Variants in RCOR1 observed in about 807,000 individuals in gnomAD.
The protein encoded by RCOR1 is REST corepressor.
A neutral mutation model predicts 64.0 loss-of-function variants in RCOR1; 12 were observed. The observed-to-expected ratio is 0.19, with a 90% CI of 0.12 to 0.30. RCOR1 has a LOEUF of 0.30. Ranked by LOEUF, RCOR1 falls within the 10% of genes least tolerant of loss-of-function variation. RCOR1 has a pLI of 1.00. For missense variants in RCOR1, 502 were observed against 621.2 expected, an observed-to-expected ratio of 0.81 and a Z score of 2.04; for synonymous variants, 279 against 227.2, an observed-to-expected ratio of 1.23 and a Z score of -2.05.
At chr14:102,598,319 G>GC (rs2139876488) in intron 2 of RCOR1, among the ~76,000 whole-genome samples, 1 of 152,286 alleles carries the variant, frequency 6.6e-6, no homozygotes, top group Non-Finnish European at 1.5e-5. Flanking sequence ...AGGTTTGAAA[G>GC]CAAATGGTTG....
intron 2 of RCOR1, among the ~76,000 whole-genome samples, chr14:102,630,957 C>G (rs1030690359): frequency 6.6e-6 from 1 of 151,940 alleles, no homozygotes; most frequent in Non-Finnish European, 1.5e-5. Context: ...TGTAGTCTCA[C>G]GACCTCTCCT....
intron 3 of RCOR1, among the ~76,000 whole-genome samples, chr14:102,693,288 C>T (rs1434299323): frequency 2.0e-5 from 3 of 152,120 alleles, no homozygotes; most frequent in South Asian, 2.1e-4. Context: ...GTCAGACATG[C>T]GGGTTCCATA....
intron 2 of RCOR1, among the ~76,000 whole-genome samples, chr14:102,654,640 G>T (rs1332288306): frequency 6.6e-6 from 1 of 151,846 alleles, no homozygotes; most frequent in Non-Finnish European, 1.5e-5. Context: ...GCGAAGATGG[G>T]GAGGATCACT....
At chr14:102,650,291 T>C (rs1264324620) in intron 2 of RCOR1, among the ~76,000 whole-genome samples, 1 of 148,702 alleles carries the variant, frequency 6.7e-6, no homozygotes, top group East Asian at 2.0e-4. Flanking sequence ...GGAGAATCAC[T>C]TGAGGTCAGG....
intron 2 of RCOR1, among the ~76,000 whole-genome samples, chr14:102,618,726 G>A (rs4906242): frequency 0.8 from 121,142 of 152,182 alleles, 48,478 homozygotes; most frequent in Middle Eastern, 0.87. Context: ...GGTACTTACC[G>A]TTTTCCATGG....
chr14:102,623,375 CTTTATTTATTTATTATTTA>C (rs1236884030), intron 2 of RCOR1, among the ~76,000 whole-genome samples: 17 of 137,966 alleles, frequency 1.2e-4, no homozygotes, highest in African/African-American at 4.2e-4. Flanking sequence ...AATTTACTTC[CTTTATTTATTTATTATTTA>C]TTTATTTATT....
chr14:102,722,487 A>C (rs1317418659), intron 11 of RCOR1, 71 bp downstream of exon 11: 1 of 1,279,894 alleles, frequency 7.8e-7, no homozygotes, highest in Non-Finnish European at 1.1e-6. Context: ...TAAAGTGATG[A>C]ATTTTTTCAG....
intron 2 of RCOR1, among the ~76,000 whole-genome samples, chr14:102,678,486 A>G (rs1895237467): frequency 6.6e-6 from 1 of 151,872 alleles, no homozygotes; most frequent in Non-Finnish European, 1.5e-5. Flanking sequence ...TTTTGTGGAG[A>G]TGGGGTTTCA....
At chr14:102,607,556 G>C (rs976915150) in intron 2 of RCOR1, among the ~76,000 whole-genome samples, 1 of 152,016 alleles carries the variant, frequency 6.6e-6, no homozygotes, top group African/African-American at 2.4e-5. Context: ...AGACCAGCCA[G>C]GCCAATATGG....
chr14:102,717,347 G>A (rs1049655030), intron 8 of RCOR1, among the ~76,000 whole-genome samples: 3 of 152,230 alleles, frequency 2.0e-5, no homozygotes, highest in African/African-American at 4.8e-5. Flanking sequence ...TAGACGCGAA[G>A]AGCAGGGCGT....
intron 2 of RCOR1, chr14:102,658,493 A>G: frequency 1.0e-6 from 1 of 979,882 alleles, no homozygotes; most frequent in Non-Finnish European, 1.2e-6. Flanking sequence ...AAAAAATAAT[A>G]ATAAAAATGG....
intron 6 of RCOR1, among the ~76,000 whole-genome samples, chr14:102,709,879 A>G (rs1398273960): frequency 6.6e-6 from 1 of 152,130 alleles, no homozygotes; most frequent in Non-Finnish European, 1.5e-5. Flanking sequence ...AAATAAGAAT[A>G]CCTGCCAACA....
At chr14:102,635,948 C>T (rs1471853935) in intron 2 of RCOR1, among the ~76,000 whole-genome samples, 1 of 152,076 alleles carries the variant, frequency 6.6e-6, no homozygotes, top group Non-Finnish European at 1.5e-5. Context: ...TTCTCCCTCC[C>T]TCCCTCCCTT....
chr14:102,619,130 A>G (rs916217417), intron 2 of RCOR1, among the ~76,000 whole-genome samples: 15 of 123,578 alleles, frequency 1.2e-4, no homozygotes, highest in Non-Finnish European at 2.3e-4. Context: ...GTCTGTCTTT[A>G]TATTTTTTGA....
chr14:102,652,312 T>G (rs1044292811), intron 2 of RCOR1, among the ~76,000 whole-genome samples: 1 of 152,338 alleles, frequency 6.6e-6, no homozygotes, highest in African/African-American at 2.4e-5. Context: ...AGGACTGTTA[T>G]GCTACACCAA....
chr14:102,712,991 G>A (rs1484487294), intron 7 of RCOR1, among the ~76,000 whole-genome samples: 1 of 105,660 alleles, frequency 9.5e-6, no homozygotes, highest in Admixed American at 1.5e-4. Flanking sequence ...GTCTTGCTCT[G>A]TTGCCCAGGC....
chr14:102,718,297 G>C (rs1896107047), intron 8 of RCOR1, among the ~76,000 whole-genome samples: 1 of 152,160 alleles, frequency 6.6e-6, no homozygotes, highest in Non-Finnish European at 1.5e-5. Context: ...TGGGGGTGGA[G>C]GTAACCTGTC....
At chr14:102,659,060 T>C in intron 2 of RCOR1, 3 of 902,388 alleles carry the variant, frequency 3.3e-6, no homozygotes, top group Non-Finnish European at 4.0e-6. Context: ...GGGGAATATT[T>C]ACATAAATTA....
At chr14:102,709,346 A>G (rs1032327481) in intron 6 of RCOR1, among the ~76,000 whole-genome samples, 3 of 152,224 alleles carry the variant, frequency 2.0e-5, no homozygotes, top group East Asian at 3.8e-4. Flanking sequence ...CAGCATGCAG[A>G]CCTAGTGGTT....
Sources: gnomAD v4.1 joint callset for allele counts (sites outside exome capture counted in the v4.1 genomes callset) on GRCh38, gnomAD v4.1.1 for gene constraint, MANE v1.5 for transcripts, NCBI Gene and HGNC (gene_info 2026-07-23, HGNC 2026-07-21) for gene names.